The following ENPEP variants were observed in gnomAD, a reference collection of about 807,000 sequenced individuals.
The protein encoded by ENPEP is AP-A.
A neutral mutation model predicts 114.5 loss-of-function variants in ENPEP; 103 were observed. The observed-to-expected ratio is 0.90, with a 90% confidence interval of 0.77 to 1.06. ENPEP has a LOEUF of 1.06. ENPEP is among the 50% of genes least tolerant of loss of function. ENPEP has a pLI of 0.00. For synonymous variants in ENPEP, 420 were observed against 422.0 expected, an observed-to-expected ratio of 1.00 and a Z score of 0.06; for missense variants, 1,196 against 1,161.3, an observed-to-expected ratio of 1.03 and a Z score of -0.43.
At chr4:110,479,569 C>T (rs568080864) in intron 1 of ENPEP, among the ~76,000 whole-genome samples, 1 of 152,176 alleles carries the variant, frequency 6.6e-6, no homozygotes, top group Middle Eastern at 3.4e-3. Flanking sequence ...AAAAATATGT[C>T]CCAAACTCCA....
intron 3 of ENPEP, among the ~76,000 whole-genome samples, chr4:110,495,530 GGCCA>G (rs1724894923): frequency 6.6e-6 from 1 of 152,090 alleles, no homozygotes; most frequent in Admixed American, 6.5e-5. Flanking sequence ...AGAACAGCCT[GGCCA>G]AAATGGTGAA....
At chr4:110,547,612 GT>G (rs1156912252) in intron 13 of ENPEP, among the ~76,000 whole-genome samples, 1 of 152,006 alleles carries the variant, frequency 6.6e-6, no homozygotes, top group Admixed American at 6.6e-5. Context: ...TATCAACAGT[GT>G]CTTCAAATTT....
chr4:110,550,272 G>GCT (rs1440825599), intron 17 of ENPEP, among the ~76,000 whole-genome samples: 1 of 152,038 alleles, frequency 6.6e-6, no homozygotes, highest in Non-Finnish European at 1.5e-5. Flanking sequence ...TCCTGACAAG[G>GCT]CTCTGTCTCT....
chr4:110,542,718 A>G (rs368941489), intron 11 of ENPEP, 33 bp from the exon 12 acceptor site: 9 of 1,578,784 alleles, frequency 5.7e-6, no homozygotes, highest in Non-Finnish European at 7.7e-6. Context: ...GCATGCAAAC[A>G]TGTTGCTCAT....
intron 6 of ENPEP, among the ~76,000 whole-genome samples, chr4:110,511,325 G>T (rs530909251): frequency 6.6e-6 from 1 of 151,844 alleles, no homozygotes; most frequent in Non-Finnish European, 1.5e-5. Context: ...TTTTTTGTGC[G>T]GGACTTTCCT....
At chr4:110,561,322 A>G in intron 19 of ENPEP, 84 bp from the exon 20 acceptor site, 1 of 1,451,234 alleles carries the variant, frequency 6.9e-7, no homozygotes, top group Non-Finnish European at 9.6e-7. Flanking sequence ...GGTAAGAAGA[A>G]AGCAAATCCA....
At position 110,513,921 on chromosome 4, in the gene ENPEP, C is replaced by G. The variant is rs574121249; in HGVS notation, c.1443+372C>G. On this transcript the variant is annotated intron_variant, in intron 7 of 19. Coordinates refer to ENST00000265162, the MANE Select transcript of ENPEP (RefSeq NM_001977.4). ...CAAGAAATGCTGTATATGTGCACAG[C>G]TTTCCTAGTAGAACATTTTAATGCC... Among the ~76,000 whole-genome samples the G allele has an allele frequency of 1.8e-4, 27 of 152,230 alleles. No individual in the cohort carries two copies. In the South Asian group the frequency reaches 5.6e-3, roughly 32 times the overall value.
At chr4:110,552,751 T>C (rs28544507) in intron 17 of ENPEP, among the ~76,000 whole-genome samples, 7,405 of 152,230 alleles carry the variant, frequency 0.049, 629 homozygotes, top group African/African-American at 0.17. Flanking sequence ...ACCTATCCAT[T>C]TAGTCATTTA....
intron 13 of ENPEP, among the ~76,000 whole-genome samples, chr4:110,545,319 C>T (rs566370357): frequency 9.9e-5 from 15 of 152,214 alleles, no homozygotes; most frequent in African/African-American, 3.1e-4. Context: ...ACTGCCCTGG[C>T]TGGGCATATG....
At chr4:110,493,590 GT>G (rs1724806691) in intron 3 of ENPEP, among the ~76,000 whole-genome samples, 1 of 152,070 alleles carries the variant, frequency 6.6e-6, no homozygotes, top group Non-Finnish European at 1.5e-5. Context: ...CAGTGGGGCC[GT>G]TTCCTTTAAA....
At chr4:110,484,405 A>G (rs1173335887) in intron 1 of ENPEP, among the ~76,000 whole-genome samples, 1 of 152,100 alleles carries the variant, frequency 6.6e-6, no homozygotes, top group Non-Finnish European at 1.5e-5. Context: ...ATAAAATCAT[A>G]TTGGCTCTGA....
chr4:110,542,989 T>C, intron 12 of ENPEP, 26 bp from the exon 13 acceptor site: 1 of 1,612,502 alleles, frequency 6.2e-7, no homozygotes, highest in Non-Finnish European at 8.5e-7. Context: ...AATTGTGTTT[T>C]TATCTCTCTT....
Position 110,520,071 on chromosome 4 carries a change from G to A in ENPEP, c.1573G>A (p.Glu525Lys). 6.2e-7 allele frequency: 1 copy of A among 1,613,932 alleles called. No homozygotes were observed. The highest frequency in any genetic ancestry group is 8.5e-7 in the Non-Finnish European group (1 of 1,179,820). ...TTCTGATTTTTGGGCAGCACTGGAAGAGGTAAGGAAGAGTATATGTCCCCA... is the reference window on the plus strand; with the variant it reads ...TTCTGATTTTTGGGCAGCACTGGAAAAGGTAAGGAAGAGTATATGTCCCCA... The part of the protein sequence containing the change: ...KTSDFWAALE[E>K]ASRLPVKEVM... Residue 525 changes from glutamate to lysine, a missense_variant and splice_region_variant, in exon 9 of 20, where the codon GAG (glutamate) becomes AAG (lysine). By Grantham distance (56) the Glu-to-Lys change is moderately conservative. Coordinates refer to ENST00000265162, the MANE Select transcript of ENPEP (RefSeq NM_001977.4).
At chr4:110,541,687 T>C (rs1407657989) in intron 11 of ENPEP, among the ~76,000 whole-genome samples, 3 of 152,286 alleles carry the variant, frequency 2.0e-5, no homozygotes, top group African/African-American at 7.2e-5. Context: ...TAACATGGCA[T>C]GTGGCTCTTC....
intron 6 of ENPEP, among the ~76,000 whole-genome samples, chr4:110,510,863 A>T (rs1296864089): frequency 6.6e-6 from 1 of 152,216 alleles, no homozygotes; most frequent in Non-Finnish European, 1.5e-5. Flanking sequence ...AGCAAGTTAC[A>T]TAATATCTGA....
chr4:110,523,420 A>C (rs1560562975), intron 10 of ENPEP, among the ~76,000 whole-genome samples: 1 of 152,160 alleles, frequency 6.6e-6, no homozygotes, highest in Non-Finnish European at 1.5e-5. Context: ...TTCTTTATTA[A>C]AAAATAACAA....
intron 4 of ENPEP, among the ~76,000 whole-genome samples, chr4:110,507,882 G>A (rs919415289): frequency 6.6e-6 from 1 of 152,164 alleles, no homozygotes; most frequent in Non-Finnish European, 1.5e-5. Flanking sequence ...GGCTGAGGTG[G>A]GAGGATCACT....
At chr4:110,554,017 T>G (rs1727385204) in intron 18 of ENPEP, among the ~76,000 whole-genome samples, 1 of 152,010 alleles carries the variant, frequency 6.6e-6, no homozygotes, top group African/African-American at 2.4e-5. Flanking sequence ...AGAGATGCCT[T>G]TCCAAACTTC....
intron 11 of ENPEP, among the ~76,000 whole-genome samples, chr4:110,537,815 T>C (rs1318733585): frequency 6.6e-6 from 1 of 152,256 alleles, no homozygotes; most frequent in Non-Finnish European, 1.5e-5. Context: ...GGCTTCAGAA[T>C]AGATACTGTG....
Sources: allele counts gnomAD v4.1 joint callset (sites outside exome capture counted in the v4.1 genomes callset), GRCh38; gene constraint gnomAD v4.1.1; transcripts MANE v1.5; gene names NCBI Gene and HGNC (gene_info 2026-07-23, HGNC 2026-07-21).